NCAPG2: variants seen among roughly 807,000 people sequenced by gnomAD.
The protein encoded by NCAPG2 is condensin-2 complex subunit G2.
NCAPG2 carries 53 observed loss-of-function variants against 141.1 expected under a neutral mutation model. The ratio of observed to expected loss-of-function variants is 0.38; its 90% CI spans 0.30 to 0.47. NCAPG2 has a LOEUF of 0.47. Ranked by LOEUF, NCAPG2 falls within the 20% of genes least tolerant of loss-of-function variation. NCAPG2 has a pLI of 0.99. For missense variants in NCAPG2, 1,087 were observed against 1,389.0 expected (o/e 0.78, Z 3.46); for synonymous variants, 499 against 490.7 (o/e 1.02, Z -0.22).
At chr7:158,702,523 T>A (rs779640919) in intron 1 of NCAPG2, among the ~76,000 whole-genome samples, 1 of 152,214 alleles carries the variant, frequency 6.6e-6, no homozygotes, top group Non-Finnish European at 1.5e-5. Context: ...TTGTATACCC[T>A]CCATCCTGCC....
intron 12 of NCAPG2, among the ~76,000 whole-genome samples, chr7:158,672,128 G>A (rs1563548773): frequency 6.6e-6 from 1 of 151,790 alleles, no homozygotes; most frequent in Non-Finnish European, 1.5e-5. Context: ...CAGTGGCCAC[G>A]TAGCAGGTGG....
Position 158,687,341 on chromosome 7 carries a change from C to G in NCAPG2, c.767+7G>C, listed in dbSNP as rs770766734. The stretch of plus-strand genomic sequence containing the variant: ...AGCACAAAATCTTCAGTACTTTTAA[C>G]ACTTACTTTTGTAATCCCTGTAACT... On this transcript the variant is annotated splice_region_variant and intron_variant, in intron 7 of 27. Coordinates refer to ENST00000356309, the MANE Select transcript of NCAPG2 (RefSeq NM_017760.7). The G allele has an allele frequency of 3.1e-6, 5 of 1,592,288 alleles. No individual in the cohort carries two copies. The highest frequency in any genetic ancestry group is 4.3e-6 in the Non-Finnish European group (5 of 1,165,954).
rs1400401277 is a variant in NCAPG2, at chr7:158,683,321, T to C, written c.903A>G (p.Pro301=). Residue 301 remains proline, a synonymous_variant, in exon 9 of 28, where the codon CCA becomes CCG. Coordinates refer to ENST00000356309, the MANE Select transcript of NCAPG2 (RefSeq NM_017760.7). ...TTACCTCCCGCACTTTGGAATGCAC[T>C]GGAGACCTCCTCGGAAGGTGTATCC... is the stretch of plus-strand genomic sequence containing the variant. ...FHGIHLPRRS[P]VHSKVREVLS... is the part of the protein sequence containing the mutation. 1 of 1,603,298 alleles carries C rather than the reference T, an allele frequency of 6.2e-7. No individual in the cohort carries two copies.
intron 13 of NCAPG2, among the ~76,000 whole-genome samples, chr7:158,669,607 T>A (rs559438284): frequency 4.4e-4 from 63 of 143,636 alleles, no homozygotes; most frequent in South Asian, 6.7e-4. Flanking sequence ...TACTAAAATT[T>A]AAAAAAAAAA....
intron 17 of NCAPG2, 95 bp from the exon 18 acceptor site, chr7:158,656,800 C>A (rs922086053): frequency 8.6e-6 from 12 of 1,401,626 alleles, no homozygotes; most frequent in Middle Eastern, 2.5e-4. Flanking sequence ...TAAAATCTGA[C>A]GGTGCATAAG....
intron 12 of NCAPG2, among the ~76,000 whole-genome samples, chr7:158,672,306 ATATATATATATATATATATATATTTT>A (rs1563549372): frequency 3.4e-4 from 8 of 23,588 alleles, no homozygotes; most frequent in Non-Finnish European, 4.8e-4. Flanking sequence ...ATATATATAT[ATATATATATATATATATATATATTTT>A]TTTTTTTTTT....
intron 13 of NCAPG2, chr7:158,665,476 G>A (rs12537562): frequency 0.55 from 84,370 of 152,134 alleles, 23,857 homozygotes; most frequent in Non-Finnish European, 0.61. Flanking sequence ...ATCAAGCCCT[G>A]CCTCGGGCTC....
Position 158,656,322 on chromosome 7 carries a change from A to C in NCAPG2, c.2326T>G (p.Cys776Gly), listed in dbSNP as rs758596111. The change falls in exon 19 of 28, where the codon TGC (cysteine) becomes GGC (glycine). Residue 776 changes from cysteine (C) to glycine (G), a missense_variant. Transcript: ENST00000356309. ...YLLTHPKNRECLLSAPRKKLN... is the reference protein window; with the variant it reads ...YLLTHPKNREGLLSAPRKKLN... The stretch of plus-strand genomic sequence containing the variant: ...TTCTTCCGAGGAGCAGAGAGCAAGC[A>C]CTCGCGGTTCTTTGGATGAGTCAGC... 3.7e-6 allele frequency: 6 copies of C among 1,614,108 alleles called. No individual in the cohort carries two copies. The highest frequency in any genetic ancestry group is 5.1e-6 in the Non-Finnish European group (6 of 1,180,018).
At chr7:158,660,063 A>G (rs1209253223) in intron 16 of NCAPG2, among the ~76,000 whole-genome samples, 1 of 150,728 alleles carries the variant, frequency 6.6e-6, no homozygotes, top group Non-Finnish European at 1.5e-5. Flanking sequence ...AGCCAAGATC[A>G]CTCCACTGCA....
In NCAPG2 at chr7:158,650,858, C is replaced by T. The variant is rs1831436325; in HGVS notation, c.3049G>A (p.Val1017Ile). 1.9e-6 allele frequency: 3 copies of T among 1,613,284 alleles called. No individual in the cohort carries two copies. In the East Asian group the frequency reaches 6.7e-5, roughly 36 times the overall value. The change falls in exon 24 of 28, where the codon GTT (valine) becomes ATT (isoleucine). Residue 1017 changes from valine to isoleucine, a missense_variant. Transcript: ENST00000356309. ...TTCCGTAGCTGGTGACTTATCTCAA[C>T]CACAGGCCCAGCGATCAGAGTAGAA... ...VLSTLIAGPV[V>I]EISHQLRKVS... is the part of the protein sequence containing the mutation.
intron 16 of NCAPG2, among the ~76,000 whole-genome samples, chr7:158,661,735 A>T (rs1832523613): frequency 6.6e-6 from 1 of 152,198 alleles, no homozygotes; most frequent in East Asian, 1.9e-4. Context: ...AAATTTTTTT[A>T]AAAAAGAAAT....
At chr7:158,655,534 G>C in intron 19 of NCAPG2, 79 bp from the exon 20 acceptor site, 1 of 1,224,588 alleles carries the variant, frequency 8.2e-7, no homozygotes, top group Non-Finnish European at 1.2e-6. Flanking sequence ...ACAATGGGAA[G>C]CACCTGATCC....
At chr7:158,668,376 G>A (rs940299092) in intron 13 of NCAPG2, 36 of 983,028 alleles carry the variant, frequency 3.7e-5, no homozygotes, top group Admixed American at 1.3e-4. Flanking sequence ...CCCACTACTG[G>A]GTCCCTCCGC....
At chr7:158,685,960 A>G (rs1007793629) in intron 8 of NCAPG2, among the ~76,000 whole-genome samples, 2 of 152,160 alleles carry the variant, frequency 1.3e-5, no homozygotes, top group Admixed American at 6.5e-5. Flanking sequence ...TCAGGGTCAG[A>G]GCTCCCTCCC....
At chr7:158,663,864 G>C (rs1193062944) in intron 15 of NCAPG2, among the ~76,000 whole-genome samples, 1 of 152,126 alleles carries the variant, frequency 6.6e-6, no homozygotes, top group Admixed American at 6.5e-5. Flanking sequence ...AAAAATATGG[G>C]AGTACCCAGA....
chr7:158,672,588 G>C (rs1010456732), intron 12 of NCAPG2, among the ~76,000 whole-genome samples: 1 of 151,624 alleles, frequency 6.6e-6, no homozygotes, highest in African/African-American at 2.4e-5. Context: ...TGATCTGCCC[G>C]CCTCGGCCTC....
chr7:158,701,691 T>C (rs1835801657), intron 2 of NCAPG2, 131 bp downstream of exon 2: 1 of 832,322 alleles, frequency 1.2e-6, no homozygotes. Flanking sequence ...TTTTGTTTTC[T>C]TCTTTCAAAT....
At position 158,645,586 on chromosome 7, in the gene NCAPG2, A is replaced by G. The variant is rs199694609; in HGVS notation, c.3213T>C (p.Ala1071=). 1.7e-5 allele frequency: 27 copies of G among 1,614,258 alleles called. No individual in the cohort carries two copies. The African/African-American group carries it at 2.7e-4, about 16-fold the overall frequency. ...SFLDELKACV[A]SNDIEGIVCL... is the part of the protein sequence containing the mutation. ...ACACAATGCCTTCAATATCATTAGA[A>G]GCCACACATGCCTTTAATTCATCCA... The change falls in exon 26 of 28, where the codon GCT becomes GCC. Residue 1071 remains alanine (A), a synonymous_variant. Coordinates refer to ENST00000356309, the MANE Select transcript of NCAPG2 (RefSeq NM_017760.7).
chr7:158,676,958 G>A (rs1174489792), intron 11 of NCAPG2, among the ~76,000 whole-genome samples: 1 of 152,092 alleles, frequency 6.6e-6, no homozygotes, highest in Non-Finnish European at 1.5e-5. Flanking sequence ...ACATTCCTAG[G>A]TAAGGGTGCT....
Sources: allele counts gnomAD v4.1 joint callset (sites outside exome capture counted in the v4.1 genomes callset), GRCh38; gene constraint gnomAD v4.1.1; transcripts MANE v1.5; gene names NCBI Gene and HGNC (gene_info 2026-07-23, HGNC 2026-07-21).